CYTH3: variants seen among roughly 807,000 people sequenced by gnomAD.
CYTH3 encodes the protein cytohesin 3, also known as cytohesin-3.
CYTH3 carries 23 observed loss-of-function variants against 55.1 expected under a neutral mutation model. That is an observed-to-expected ratio of 0.42 (90% confidence interval 0.30 to 0.59). CYTH3 has a LOEUF of 0.59. Ranked by LOEUF, CYTH3 falls within the 20% of genes least tolerant of loss-of-function variation. The pLI is 0.20. For missense variants in CYTH3, 413 were observed against 524.8 expected (o/e 0.79, Z 2.08); for synonymous variants, 249 against 194.9 (o/e 1.28, Z -2.31).
chr7:6,256,676 C>G (rs938344882), intron 1 of CYTH3, among the ~76,000 whole-genome samples: 6 of 152,194 alleles, frequency 3.9e-5, no homozygotes, highest in African/African-American at 1.4e-4. Flanking sequence ...GTACTAACAG[C>G]AGCAGAACCC....
intron 1 of CYTH3, among the ~76,000 whole-genome samples, chr7:6,252,658 C>T (rs899538139): frequency 5.3e-5 from 8 of 152,298 alleles, no homozygotes; most frequent in Non-Finnish European, 1.2e-4. Flanking sequence ...TTAGTCTCAG[C>T]TGCAGTTAAA....
At chr7:6,194,042 C>G (rs1783862484) in intron 1 of CYTH3, among the ~76,000 whole-genome samples, 1 of 152,166 alleles carries the variant, frequency 6.6e-6, no homozygotes, top group Non-Finnish European at 1.5e-5. Flanking sequence ...CCACATCACC[C>G]TACAGAGAAA....
intron 1 of CYTH3, among the ~76,000 whole-genome samples, chr7:6,218,060 G>A (rs906255050): frequency 3.9e-5 from 6 of 151,996 alleles, no homozygotes; most frequent in Non-Finnish European, 5.9e-5. Context: ...GTGTGCACCT[G>A]TAGTTCCAGC....
intron 1 of CYTH3, among the ~76,000 whole-genome samples, chr7:6,191,210 C>T (rs1205306185): frequency 2.6e-5 from 4 of 151,930 alleles, no homozygotes; most frequent in African/African-American, 9.7e-5. Context: ...CACTTTGGGA[C>T]ACTGAGGCAG....
At position 6,163,646 on chromosome 7, in the gene CYTH3, G is replaced by A. The variant is rs1782904965; in HGVS notation, c.*1298C>T. On this transcript the variant is annotated 3_prime_UTR_variant, in exon 13 of 13. Transcript: ENST00000350796. ...TGACAACCTCCCAGGCGGGCGTGGAGTTTGACCAGTTCCACCACCGGCGTC... is the reference window on the plus strand; with the variant it reads ...TGACAACCTCCCAGGCGGGCGTGGAATTTGACCAGTTCCACCACCGGCGTC... The A allele has an allele frequency of 6.6e-6, 1 of 152,252 alleles. No individual in the cohort carries two copies. Among genetic ancestry groups the A allele is most frequent in the East Asian group, 1.9e-4 (1 of 5,190 alleles). 9.4% of individuals were successfully genotyped at this position (152,252 alleles called of 1,614,324 possible). A position where few individuals can be genotyped will look rare whatever the true frequency, so the allele number is the denominator to read the frequency against.
chr7:6,194,657 C>T lies in CYTH3; in HGVS notation c.35-4126G>A, dbSNP rs536453613. On this transcript the variant is annotated intron_variant, in intron 1 of 12. Transcript: ENST00000350796. ...TGCAACAGAAGATATGTACCAATAA[C>T]ATCAAAGAAGCCCATTGTGTAGATT... Among the ~76,000 whole-genome samples, 3 of 151,808 alleles carry T rather than the reference C, an allele frequency of 2.0e-5. No individual in the cohort carries two copies. In the East Asian group the frequency reaches 5.8e-4, roughly 29 times the overall value.
Position 6,187,035 on chromosome 7 carries a change from A to G in CYTH3, c.249+15T>C. Reference sequence around the variant, plus strand: ...CCATCTCCTGCAGGCCAGAAAAGGGAGAGCATTCTCTTACCTTTTTGGGAT... The same window carrying G: ...CCATCTCCTGCAGGCCAGAAAAGGGGGAGCATTCTCTTACCTTTTTGGGAT... On this transcript the variant is annotated intron_variant, in intron 4 of 12. Transcript: ENST00000350796. 6.2e-7 allele frequency: 1 copy of G among 1,612,744 alleles called. No homozygotes were observed. Among genetic ancestry groups the G allele is most frequent in the Non-Finnish European group, 8.5e-7 (1 of 1,178,680 alleles).
intron 1 of CYTH3, among the ~76,000 whole-genome samples, chr7:6,219,374 C>T (rs1187187620): frequency 6.6e-6 from 1 of 152,062 alleles, no homozygotes; most frequent in Non-Finnish European, 1.5e-5. Context: ...AACTATTATG[C>T]AAAAAGGAAC....
chr7:6,166,952 G>A (rs1783027517), intron 9 of CYTH3, among the ~76,000 whole-genome samples: 1 of 152,114 alleles, frequency 6.6e-6, no homozygotes, highest in African/African-American at 2.4e-5. Flanking sequence ...ACCCTGGTCT[G>A]GGCAAATCTG....
intron 1 of CYTH3, among the ~76,000 whole-genome samples, chr7:6,236,121 C>A (rs1034658833): frequency 1.3e-5 from 2 of 152,104 alleles, no homozygotes; most frequent in South Asian, 4.2e-4. Context: ...AAGACAGCTG[C>A]GGAATCTTAA....
chr7:6,238,479 T>G (rs71531366), intron 1 of CYTH3, among the ~76,000 whole-genome samples: 2 of 152,148 alleles, frequency 1.3e-5, no homozygotes, highest in South Asian at 4.1e-4. Context: ...TACACTAAGC[T>G]GTATGCTTAG....
At chr7:6,208,012 G>T (rs1784235236) in intron 1 of CYTH3, among the ~76,000 whole-genome samples, 2 of 152,124 alleles carry the variant, frequency 1.3e-5, no homozygotes, top group Admixed American at 1.3e-4. Context: ...TGTTCTATAG[G>T]ATGATACTTT....
chr7:6,216,281 G>A (rs1784423611), intron 1 of CYTH3, among the ~76,000 whole-genome samples: 1 of 152,090 alleles, frequency 6.6e-6, no homozygotes, highest in Non-Finnish European at 1.5e-5. Flanking sequence ...GGACACAGAG[G>A]GAGGTAAGGG....
At chr7:6,222,149 G>A (rs994701636) in intron 1 of CYTH3, among the ~76,000 whole-genome samples, 1 of 152,162 alleles carries the variant, frequency 6.6e-6, no homozygotes, top group Non-Finnish European at 1.5e-5. Flanking sequence ...GGTCCCTCCT[G>A]CCAGGGTGCC....
rs1783774691 is a variant in CYTH3 at position 6,190,471 on chromosome 7, T to C, written c.95A>G (p.Lys32Arg). The change falls in exon 2 of 13, where the codon AAG becomes AGG. Residue 32 changes from lysine (K) to arginine (R), a missense_variant. Around this residue, in one of 4 missense-constraint regions of CYTH3, gnomAD observed 152 missense variants for 148.1 expected, o/e 1.03. Transcript: ENST00000350796. ...TACCTCAATGTCATCAATAAGTTCC[T>C]TTTTTCTTCGACGAATGTCTAGAAG... Reference protein sequence around the residue: ...EELLDIRRRKKELIDDIERLK... With the variant: ...EELLDIRRRKRELIDDIERLK... The C allele has an allele frequency of 2.6e-6, 4 of 1,511,834 alleles. No homozygotes were observed. Among genetic ancestry groups the C allele is most frequent in the Middle Eastern group, 3.4e-4 (2 of 5,914 alleles). The allele number at this position is 1,511,834 out of a possible 1,614,324, so 93.7% of individuals were successfully genotyped here. A position where few individuals can be genotyped will look rare whatever the true frequency, so the allele number is the denominator to read the frequency against.
intron 5 of CYTH3, among the ~76,000 whole-genome samples, chr7:6,174,149 T>G (rs1467274338): frequency 6.6e-6 from 1 of 152,160 alleles, no homozygotes; most frequent in African/African-American, 2.4e-5. Flanking sequence ...ATTTCACTCT[T>G]GTGGCCCAGA....
In CYTH3 at chr7:6,237,575, G is replaced by A. The variant is rs909055346; in HGVS notation, c.34+34899C>T. On this transcript the variant is annotated intron_variant, in intron 1 of 12. Transcript: ENST00000350796. ...ATACAAAAATTAGCCAGGCATGGTG[G>A]CACGCGCCTGTTATCCCAGCTACTC... 2.0e-5 allele frequency among the ~76,000 whole-genome samples: 3 copies of A among 152,084 alleles called. No homozygotes were observed. In the East Asian group the frequency reaches 5.8e-4, roughly 29 times the overall value.
chr7:6,182,800 C>T (rs1189976251), intron 4 of CYTH3, among the ~76,000 whole-genome samples: 1 of 152,194 alleles, frequency 6.6e-6, no homozygotes, highest in African/African-American at 2.4e-5. Context: ...ATGAGCCGCC[C>T]TCCCCGCCTC....
chr7:6,260,766 A>G (rs1027695706), intron 1 of CYTH3, among the ~76,000 whole-genome samples: 13 of 151,996 alleles, frequency 8.6e-5, no homozygotes, highest in African/African-American at 2.9e-4. Context: ...TGCTGTCCTC[A>G]GTCCTAGGAT....
Sources: gnomAD v4.1 joint callset for allele counts (sites outside exome capture counted in the v4.1 genomes callset) on GRCh38, gnomAD v4.1.1 for gene constraint, gnomAD v4.1.1 regional missense constraint, MANE v1.5 for transcripts, NCBI Gene and HGNC (gene_info 2026-07-23, HGNC 2026-07-21) for gene names.